GGPS1: variants seen among roughly 807,000 people sequenced by gnomAD.
GGPS1 encodes the protein geranylgeranyl pyrophosphate synthase.
In GGPS1, 15 loss-of-function variants were observed where a neutral mutation model predicts 28.1. That is an observed-to-expected ratio of 0.53 (90% confidence interval 0.36 to 0.82). GGPS1 has a LOEUF of 0.82. GGPS1 is among the 40% of genes least tolerant of loss of function. The probability of loss-of-function intolerance (pLI) is 0.01; values close to 1 mark genes in which losing one functional copy is unlikely to be tolerated. For synonymous variants in GGPS1, 138 were observed against 122.4 expected (o/e 1.13, Z -0.84); for missense variants, 284 against 348.3 (o/e 0.82, Z 1.47).
upstream of GGPS1, chr1:235,328,220 C>G (rs1301150756): frequency 1.4e-5 from 2 of 140,704 alleles, no homozygotes; most frequent in East Asian, 4.6e-4. Context: ...CCCCCTTTCT[C>G]CCCTCCCCTA....
chr1:235,341,233 A>G (rs2103350180), intron 2 of GGPS1, among the ~76,000 whole-genome samples: 1 of 152,258 alleles, frequency 6.6e-6, no homozygotes, highest in Non-Finnish European at 1.5e-5. Context: ...AGGCTGAGGC[A>G]CGAGAATCAT....
At chr1:235,339,987 C>G (rs1332626611) in intron 2 of GGPS1, among the ~76,000 whole-genome samples, 1 of 151,876 alleles carries the variant, frequency 6.6e-6, no homozygotes, top group Non-Finnish European at 1.5e-5. Context: ...CTTAAATTAG[C>G]CACGCATGGT....
chr1:235,338,966 C>A (rs1458368714), intron 2 of GGPS1, among the ~76,000 whole-genome samples: 3 of 152,036 alleles, frequency 2.0e-5, no homozygotes, highest in African/African-American at 7.2e-5. Flanking sequence ...GAGTTCGAGA[C>A]CAGCCTGGCC....
chr1:235,343,698 T>C lies in GGPS1; in HGVS notation c.*926T>C, dbSNP rs1676125572. The stretch of plus-strand genomic sequence containing the variant: ...AATTCACATGCTAGTCTAAATCTTT[T>C]TTTCTCCCTTGTAACATTTATGTGC... On this transcript the variant is annotated 3_prime_UTR_variant, in exon 4 of 4. Transcript: ENST00000282841. The C allele has an allele frequency of 6.0e-6, 1 of 166,962 alleles. No homozygotes were observed. The highest frequency in any genetic ancestry group is 1.5e-5 in the Non-Finnish European group (1 of 68,096). The allele number at this position is 166,962 out of a possible 1,614,324, so 10.3% of individuals were successfully genotyped here. A position where few individuals can be genotyped will look rare whatever the true frequency, so the allele number is the denominator to read the frequency against.
chr1:235,337,309 T>C (rs976431876), intron 2 of GGPS1, among the ~76,000 whole-genome samples: 6 of 152,248 alleles, frequency 3.9e-5, no homozygotes, highest in African/African-American at 1.4e-4. Context: ...TGCTTACTTA[T>C]GCTGTGACCA....
At chr1:235,338,962 G>A (rs146703733) in intron 2 of GGPS1, among the ~76,000 whole-genome samples, 72 of 151,982 alleles carry the variant, frequency 4.7e-4, no homozygotes, top group South Asian at 3.9e-3. Flanking sequence ...TCAGGAGTTC[G>A]AGACCAGCCT....
At chr1:235,335,401 A>T in intron 2 of GGPS1, 67 bp downstream of exon 2, 2 of 745,544 alleles carry the variant, frequency 2.7e-6, no homozygotes, top group Non-Finnish European at 2.3e-6. Context: ...AATGTTAGCA[A>T]ATAGAAAAGG....
chr1:235,336,663 A>G (rs1675880196), intron 2 of GGPS1: 1 of 152,124 alleles, frequency 6.6e-6, no homozygotes, highest in Non-Finnish European at 1.5e-5. Flanking sequence ...AATAATATAA[A>G]AGTTGGTAAA....
At chr1:235,341,095 C>T (rs904452892) in intron 2 of GGPS1, among the ~76,000 whole-genome samples, 2 of 152,096 alleles carry the variant, frequency 1.3e-5, no homozygotes, top group African/African-American at 2.4e-5. Context: ...TTTGGGAGGC[C>T]GATGCGGGTG....
intron 2 of GGPS1, among the ~76,000 whole-genome samples, chr1:235,338,383 GA>G (rs75471188): frequency 2.0e-4 from 27 of 136,140 alleles, no homozygotes; most frequent in African/African-American, 5.7e-4. Flanking sequence ...CCCCGTCTCA[GA>G]AAAAAAAAAG....
At chr1:235,330,475 A>G (rs1262100509) in intron 1 of GGPS1, 2 of 152,154 alleles carry the variant, frequency 1.3e-5, no homozygotes, top group Non-Finnish European at 2.9e-5. Context: ...ACAGAGTGAG[A>G]CGCTGTTTCA....
chr1:235,334,811 C>T (rs1042582034), intron 1 of GGPS1, among the ~76,000 whole-genome samples: 7 of 152,044 alleles, frequency 4.6e-5, no homozygotes, highest in African/African-American at 1.7e-4. Flanking sequence ...GATCTCAGCT[C>T]ACTGCAACCT....
intron 1 of GGPS1, among the ~76,000 whole-genome samples, chr1:235,333,016 C>T (rs900584981): frequency 2.5e-4 from 35 of 141,998 alleles, no homozygotes; most frequent in African/African-American, 9.4e-4. Flanking sequence ...TGCAGTGAGC[C>T]GAGATCGTGC....
At position 235,342,251 on chromosome 1, in the gene GGPS1, C is replaced by T. The variant is rs746811835; in HGVS notation, c.382C>T (p.Leu128=). 5.0e-6 allele frequency: 8 copies of T among 1,613,982 alleles called. No homozygotes were observed. In the East Asian group the frequency reaches 1.8e-4, roughly 36 times the overall value. The change falls in exon 4 of 4, where the codon CTA becomes TTA. Residue 128 remains leucine (L), a synonymous_variant. Coordinates refer to ENST00000282841, the MANE Select transcript of GGPS1 (RefSeq NM_004837.4). The part of the protein sequence containing the change: ...QLLELHQGQG[L]DIYWRDNYTC... The stretch of plus-strand genomic sequence containing the variant: ...TTTGGAACTCCATCAGGGACAAGGC[C>T]TAGATATTTACTGGAGGGATAATTA...
intron 1 of GGPS1, chr1:235,330,271 T>G (rs1572265901): frequency 6.6e-6 from 1 of 152,052 alleles, no homozygotes; most frequent in African/African-American, 2.4e-5. Context: ...GATCACGAGG[T>G]CAGGAGATCG....
chr1:235,342,589 C>T lies in GGPS1; in HGVS notation c.720C>T (p.Asn240=). 2 of 1,611,008 alleles carry T rather than the reference C, an allele frequency of 1.2e-6. No homozygotes were observed. The highest frequency in any genetic ancestry group is 1.7e-6 in the Non-Finnish European group (2 of 1,177,174). Residue 240 remains asparagine (N), a synonymous_variant, in exon 4 of 4, where the codon AAC becomes AAT. Coordinates refer to ENST00000282841, the MANE Select transcript of GGPS1 (RefSeq NM_004837.4). ...ATATCTTGCGCCAGAGAACAGAAAA[C>T]ATAGATATAAAAAAATACTGTGTAC... ...VQNILRQRTE[N]IDIKKYCVHY...
chr1:235,330,684 T>A (rs937376692), intron 1 of GGPS1: 21 of 152,138 alleles, frequency 1.4e-4, no homozygotes, highest in African/African-American at 5.1e-4. Context: ...AAAAATAACA[T>A]CAACCACAAA....
intron 1 of GGPS1, among the ~76,000 whole-genome samples, chr1:235,334,341 G>A (rs1008330913): frequency 4.1e-4 from 62 of 152,228 alleles, no homozygotes; most frequent in African/African-American, 1.5e-3. Flanking sequence ...GCCTTTTGTG[G>A]TTGATTAAAA....
Position 235,344,524 on chromosome 1 carries a change from G to T in GGPS1, c.*1752G>T, listed in dbSNP as rs1026843843. On this transcript the variant is annotated 3_prime_UTR_variant, in exon 4 of 4. Coordinates refer to ENST00000282841, the MANE Select transcript of GGPS1 (RefSeq NM_004837.4). The stretch of plus-strand genomic sequence containing the variant: ...AACAAATTAAAATGTCTACCTTTAA[G>T]TATAAAAATTGCTTAAGTAGATTTG... The T allele has an allele frequency of 1.2e-5, 2 of 166,896 alleles. No homozygotes were observed. The highest frequency in any genetic ancestry group is 4.8e-5 in the African/African-American group (2 of 41,394). The allele number at this position is 166,896 out of a possible 1,614,324, so 10.3% of individuals were successfully genotyped here.
Sources: gnomAD v4.1 joint callset for allele counts (sites outside exome capture counted in the v4.1 genomes callset) on GRCh38, gnomAD v4.1.1 for gene constraint, MANE v1.5 for transcripts, NCBI Gene and HGNC (gene_info 2026-07-23, HGNC 2026-07-21) for gene names.